Variants in COL17A1 observed in about 807,000 individuals in gnomAD.
COL17A1 encodes collagen alpha-1(XVII) chain.
A neutral mutation model predicts 218.4 loss-of-function variants in COL17A1; 181 were observed. That is an observed-to-expected ratio of 0.83 (90% CI 0.73 to 0.94). The LOEUF (loss-of-function observed/expected upper bound fraction) is 0.94, where lower values mean the gene tolerates loss of function less well. COL17A1 is among the 40% of genes least tolerant of loss of function. The pLI, the probability that COL17A1 is intolerant of heterozygous loss-of-function variation, is 0.00. For missense variants in COL17A1, 1,924 were observed against 1,945.9 expected, an observed-to-expected ratio of 0.99 and a Z score of 0.21; for synonymous variants, 721 against 731.0, an observed-to-expected ratio of 0.99 and a Z score of 0.22.
chr10:104,076,517 AC>A (rs2086712195), intron 4 of COL17A1, 88 bp from the exon 5 acceptor site: 2 of 1,587,440 alleles, frequency 1.3e-6, no homozygotes, highest in Non-Finnish European at 1.7e-6. Flanking sequence ...TTAACCAAGT[AC>A]ACTCAGGGAG....
intron 23 of COL17A1, among the ~76,000 whole-genome samples, chr10:104,052,621 C>A (rs1564678086): frequency 1.3e-5 from 2 of 152,156 alleles, no homozygotes; most frequent in Non-Finnish European, 2.9e-5. Flanking sequence ...GAACCTATGT[C>A]TGGGGCCTTC....
intron 41 of COL17A1, 148 bp downstream of exon 41, chr10:104,039,825 A>C: frequency 1.6e-6 from 2 of 1,278,656 alleles, no homozygotes; most frequent in Non-Finnish European, 2.3e-6. Flanking sequence ...ACACCCATGC[A>C]CACACTCAAC....
intron 1 of COL17A1, among the ~76,000 whole-genome samples, chr10:104,080,939 C>T (rs2086759555): frequency 1.3e-5 from 2 of 152,154 alleles, no homozygotes; most frequent in Non-Finnish European, 2.9e-5. Context: ...ATCAGCCTGC[C>T]CCCTGCTGAG....
chr10:104,065,304 C>T (rs562551829), intron 9 of COL17A1, among the ~76,000 whole-genome samples: 4 of 152,282 alleles, frequency 2.6e-5, no homozygotes, highest in Non-Finnish European at 5.9e-5. Flanking sequence ...GGCTTTTCTC[C>T]AGTAGTGAAT....
Position 104,039,531 on chromosome 10 carries a change from C to A in COL17A1, c.2822-12G>T, listed in dbSNP as rs1348138004. ...GAAAGAACTGGACCCTGGAAGCCAA[C>A]AACACACACAGTGCAGTCAGCCAGG... On this transcript the variant is annotated splice_polypyrimidine_tract_variant and intron_variant, in intron 42 of 55. Transcript: ENST00000648076. 2 of 1,614,018 alleles carry A rather than the reference C, an allele frequency of 1.2e-6. No homozygotes were observed. Among genetic ancestry groups the A allele is most frequent in the Non-Finnish European group, 1.7e-6 (2 of 1,180,026 alleles).
intron 48 of COL17A1, 115 bp from the exon 49 acceptor site, chr10:104,035,678 G>C (rs2086273472): frequency 2.4e-6 from 2 of 820,030 alleles, no homozygotes; most frequent in Non-Finnish European, 3.9e-6. Context: ...AAAGAAAAGA[G>C]ATGGTGGCAG....
intron 24 of COL17A1, among the ~76,000 whole-genome samples, chr10:104,051,808 G>C (rs2086472461): frequency 6.6e-6 from 1 of 152,210 alleles, no homozygotes; most frequent in African/African-American, 2.4e-5. Context: ...GCCCAGACAT[G>C]TTACTTTTGG....
rs754289857 is a variant in COL17A1 at position 104,074,232 on chromosome 10, C to T, written c.332-1G>A. The T allele has an allele frequency of 3.1e-6, 5 of 1,614,070 alleles. No individual in the cohort carries two copies. The highest frequency in any genetic ancestry group is 1.3e-5 in the African/African-American group (1 of 74,932). On this transcript the variant is annotated splice_acceptor_variant, in intron 5 of 55. Transcript: ENST00000648076. LOFTEE classifies it high-confidence loss of function. ...GGAGAAGAGTTGCCACTGGAGCTCC[C>T]TGGAGAGGGGATGAAACACTTAGAA...
Position 104,077,546 on chromosome 10 carries a change from G to A in COL17A1, c.98-20C>T, listed in dbSNP as rs757159238. On this transcript the variant is annotated intron_variant, in intron 3 of 55. Transcript: ENST00000648076. ...CGCCTTCTGCCAGGAACAAAAGCAGGTGATAATTTCAGGGTGGAGTCAGGC... is the reference window on the plus strand; with the variant it reads ...CGCCTTCTGCCAGGAACAAAAGCAGATGATAATTTCAGGGTGGAGTCAGGC... The A allele has an allele frequency of 6.3e-7, 1 of 1,596,428 alleles. No individual in the cohort carries two copies. The highest frequency in any genetic ancestry group is 1.7e-5 in the Admixed American group (1 of 58,472).
chr10:104,047,830 C>T lies in COL17A1; in HGVS notation c.2264-20G>A, dbSNP rs759038889. 48 of 1,605,114 alleles carry T rather than the reference C, an allele frequency of 3.0e-5. No homozygotes were observed. In the East Asian group the frequency reaches 5.8e-4, roughly 19 times the overall value. ...GTTCACCTAGAGAGAGAATGGCCAA[C>T]GTGGAAGTGTTTACATTTAGGAAAG... On this transcript the variant is annotated intron_variant, in intron 30 of 55. Transcript: ENST00000648076.
chr10:104,043,135 C>T (rs139094386), intron 35 of COL17A1, among the ~76,000 whole-genome samples: 2 of 152,266 alleles, frequency 1.3e-5, no homozygotes, highest in East Asian at 3.9e-4. Flanking sequence ...CAGGAGGAAA[C>T]AAAGGGCTCA....
intron 3 of COL17A1, among the ~76,000 whole-genome samples, chr10:104,077,763 C>G (rs961980508): frequency 6.6e-6 from 1 of 151,802 alleles, no homozygotes; most frequent in Non-Finnish European, 1.5e-5. Context: ...AGTGAGTATT[C>G]CACCTGATTT....
chr10:104,068,146 G>T (rs1026515482), intron 9 of COL17A1, among the ~76,000 whole-genome samples: 4 of 152,128 alleles, frequency 2.6e-5, no homozygotes, highest in African/African-American at 4.8e-5. Flanking sequence ...CAAAGAGTTG[G>T]GAGATGGTAA....
At chr10:104,037,196 T>G (rs914418794) in intron 46 of COL17A1, 83 bp from the exon 47 acceptor site, 58 of 1,284,250 alleles carry the variant, frequency 4.5e-5, no homozygotes, top group Non-Finnish European at 6.2e-5. Flanking sequence ...AAAGGCCCGG[T>G]CACCGAGCTG....
chr10:104,063,271 T>C (rs1208381972), intron 11 of COL17A1, among the ~76,000 whole-genome samples: 2 of 152,220 alleles, frequency 1.3e-5, no homozygotes, highest in East Asian at 1.9e-4. Context: ...TTCTTTAAAA[T>C]TGTTGTTATG....
Position 104,039,966 on chromosome 10 carries a change from A to T in COL17A1, c.2788+7T>A, listed in dbSNP as rs372320073. The T allele has an allele frequency of 2.9e-5, 47 of 1,613,998 alleles. No homozygotes were observed. In the South Asian group the frequency reaches 5.1e-4, roughly 17 times the overall value. On this transcript the variant is annotated splice_region_variant and intron_variant, in intron 41 of 55. Transcript: ENST00000648076. Reference sequence around the variant, plus strand: ...CCAGGTTTTGTTTGATGCCGGCTCTACTGTACCTTGGTGTCCTCTGGGGCC... The same window carrying T: ...CCAGGTTTTGTTTGATGCCGGCTCTTCTGTACCTTGGTGTCCTCTGGGGCC...
intron 1 of COL17A1, among the ~76,000 whole-genome samples, chr10:104,082,277 A>T (rs2086771505): frequency 6.6e-6 from 1 of 152,252 alleles, no homozygotes; most frequent in Non-Finnish European, 1.5e-5. Context: ...CCTCATTACA[A>T]GGACAAATCT....
At chr10:104,048,721 G>T (rs895496995) in intron 29 of COL17A1, among the ~76,000 whole-genome samples, 3 of 152,170 alleles carry the variant, frequency 2.0e-5, no homozygotes, top group Non-Finnish European at 4.4e-5. Context: ...CATCTCATTT[G>T]CCTAGCACAG....
chr10:104,049,283 G>A, intron 29 of COL17A1, 126 bp downstream of exon 29: 1 of 844,452 alleles, frequency 1.2e-6, no homozygotes, highest in Non-Finnish European at 2.0e-6. Context: ...ACTGGTCAAG[G>A]GAGACTCTAC....
Sources: allele counts gnomAD v4.1 joint callset (sites outside exome capture counted in the v4.1 genomes callset), GRCh38; gene constraint gnomAD v4.1.1; transcripts MANE v1.5; gene names NCBI Gene and HGNC (gene_info 2026-07-23, HGNC 2026-07-21).